FHDC1: variants seen among roughly 807,000 people sequenced by gnomAD.
The protein encoded by FHDC1 is FH2 domain-containing protein 1.
Under a neutral mutation model 52.6 loss-of-function variants are expected in FHDC1, and 25 were observed. The observed-to-expected ratio is 0.48, with a 90% CI of 0.35 to 0.66. The LOEUF (loss-of-function observed/expected upper bound fraction) is 0.66, where lower values mean the gene tolerates loss of function less well. Among genes scored for constraint, FHDC1 ranks in the 30% least tolerant of loss-of-function variants. The pLI, the probability that FHDC1 is intolerant of heterozygous loss-of-function variation, is 0.01. For synonymous variants in FHDC1, 616 were observed against 581.5 expected (o/e 1.06, Z -0.85); for missense variants, 1,459 against 1,452.8 (o/e 1.00, Z -0.07).
At chr4:152,929,131 T>G in the FHDC1 span, among the ~76,000 whole-genome samples, 2 of 152,092 alleles carry the variant, frequency 1.3e-5, no homozygotes, top group African/African-American at 4.8e-5. The surrounding 1 kb of genome is among the most constrained non-coding windows in gnomAD (Gnocchi z 4.1). Flanking sequence ...ATATGTAAGA[T>G]GTACATTGGC....
intron 11 of FHDC1, among the ~76,000 whole-genome samples, chr4:152,973,312 C>G (rs1399083413): frequency 2.0e-5 from 3 of 152,234 alleles, no homozygotes; most frequent in Non-Finnish European, 2.9e-5. Context: ...TAGTCCATAG[C>G]TGAATTTCTT....
At chr4:152,970,786 T>C (rs1740616933) in intron 10 of FHDC1, among the ~76,000 whole-genome samples, 1 of 152,176 alleles carries the variant, frequency 6.6e-6, no homozygotes, top group African/African-American at 2.4e-5. Flanking sequence ...CTTGAGTGTG[T>C]TTGGTTTAAG....
intron 1 of FHDC1, 116 bp downstream of exon 1, chr4:152,936,525 G>A (rs1032928768): frequency 3.9e-5 from 6 of 152,422 alleles, no homozygotes; most frequent in Admixed American, 3.9e-4. Flanking sequence ...CCGAGGCTGA[G>A]GCGCCGAGAA....
chr4:152,967,846 G>T, intron 9 of FHDC1, 134 bp from the exon 10 acceptor site: 1 of 642,916 alleles, frequency 1.6e-6, no homozygotes, highest in Admixed American at 2.6e-5. Flanking sequence ...CTAAATACAG[G>T]GGTAGATAAA....
At chr4:152,957,240 C>T (rs1307352529) in intron 4 of FHDC1, among the ~76,000 whole-genome samples, 1 of 152,188 alleles carries the variant, frequency 6.6e-6, no homozygotes, top group Admixed American at 6.5e-5. Flanking sequence ...AAGGACTAAA[C>T]CTTTATTGAG....
chr4:152,940,474 AAAGCACAGTAC>A (rs948611491), intron 1 of FHDC1, among the ~76,000 whole-genome samples: 2 of 152,246 alleles, frequency 1.3e-5, no homozygotes, highest in Admixed American at 1.3e-4. Flanking sequence ...TCCTCTGTGC[AAAGCACAGTAC>A]TAAAACACGC....
chr4:152,940,012 C>A (rs1268217594), intron 1 of FHDC1, among the ~76,000 whole-genome samples: 1 of 152,238 alleles, frequency 6.6e-6, no homozygotes, highest in East Asian at 1.9e-4. Flanking sequence ...GTTCTCCTAG[C>A]GTACCTGGAG....
In FHDC1 at chr4:152,975,862, A is replaced by C; in HGVS notation, c.2571A>C (p.Lys857Asn). 7 of 1,514,618 alleles carry C rather than the reference A, an allele frequency of 4.6e-6. No homozygotes were observed. The highest frequency in any genetic ancestry group is 6.2e-6 in the Non-Finnish European group (7 of 1,132,918). 93.8% of individuals were successfully genotyped at this position (1,514,618 alleles called of 1,614,324 possible). The change falls in exon 12 of 12, where the codon AAA (lysine) becomes AAC (asparagine). Residue 857 changes from lysine (K) to asparagine (N), a missense_variant. Lys to Asn is a moderately conservative substitution (Grantham distance 94). Transcript: ENST00000511601. ...CCAGGGACAAACCCACCAAAAGGAA[A>C]GATGTTGTAGCACCAAAGAGAGGCT... ...GLPRDKPTKR[K>N]DVVAPKRGSL...
the FHDC1 span, among the ~76,000 whole-genome samples, chr4:152,925,765 T>C: frequency 6.6e-6 from 1 of 151,790 alleles, no homozygotes; most frequent in Non-Finnish European, 1.5e-5. Context: ...TCCATACTCT[T>C]CCTTACTTTA....
intron 2 of FHDC1, among the ~76,000 whole-genome samples, chr4:152,951,297 TC>T (rs930889227): frequency 3.9e-5 from 6 of 152,200 alleles, no homozygotes; most frequent in African/African-American, 1.4e-4. Context: ...AAATCGAGAT[TC>T]CTTTTTTGGT....
Position 152,975,791 on chromosome 4 carries a change from G to GC in FHDC1, c.2505dup (p.Val836ArgfsTer5). ...ATCCAGCCCCCCTGGGGAGGCTCCT[G>GC]CCCCCGTCTCTGTGGATAGTGAGCC... On this transcript the variant is annotated frameshift_variant, in exon 12 of 12. Transcript: ENST00000511601. LOFTEE classifies it low-confidence loss of function (END_TRUNC). The GC allele has an allele frequency of 1.3e-6, 2 of 1,539,778 alleles. No individual in the cohort carries two copies. Among genetic ancestry groups the GC allele is most frequent in the Non-Finnish European group, 8.7e-7 (1 of 1,143,592 alleles).
At chr4:152,961,549 C>G (rs986950459) in intron 6 of FHDC1, among the ~76,000 whole-genome samples, 1 of 152,192 alleles carries the variant, frequency 6.6e-6, no homozygotes, top group Non-Finnish European at 1.5e-5. Context: ...AGAATCCCGG[C>G]GGAGTTGCAG....
chr4:152,958,678 C>A (rs1740185107), intron 4 of FHDC1, among the ~76,000 whole-genome samples: 1 of 152,224 alleles, frequency 6.6e-6, no homozygotes, highest in Admixed American at 6.5e-5. Flanking sequence ...TGGTCTTATA[C>A]AACTTCCCTC....
rs1039121556 is a variant in FHDC1 at position 152,943,616 on chromosome 4, G to A, written c.498+61G>A. 16 of 1,524,532 alleles carry A rather than the reference G, an allele frequency of 1.0e-5. No individual in the cohort carries two copies. The African/African-American group carries it at 1.8e-4, about 17-fold the overall frequency. 94.4% of individuals were successfully genotyped at this position (1,524,532 alleles called of 1,614,324 possible). On this transcript the variant is annotated intron_variant, in intron 2 of 11. Transcript: ENST00000511601. The stretch of plus-strand genomic sequence containing the variant: ...ACTGCATTGTTTTGTGTTTTGGGAT[G>A]TGTGTACATTTCAAATAATTGCTAG...
the FHDC1 span, among the ~76,000 whole-genome samples, chr4:152,914,140 A>C: frequency 6.6e-6 from 1 of 152,210 alleles, no homozygotes; most frequent in African/African-American, 2.4e-5. Context: ...AAGCTTTCCC[A>C]AGGTCACAGT....
rs892751106 is a variant in FHDC1 at position 152,963,060 on chromosome 4, C to T, written c.959C>T (p.Ser320Phe). The change falls in exon 8 of 12, where the codon TCT becomes TTT. Residue 320 changes from serine to phenylalanine, a missense_variant. Ser to Phe is a radical substitution (Grantham distance 155, BLOSUM62 -2). Around this residue, in one of 3 missense-constraint regions of FHDC1, gnomAD observed 513 missense variants for 581.5 expected, o/e 0.88. Coordinates refer to ENST00000511601, the MANE Select transcript of FHDC1 (RefSeq NM_001371116.1). ...YAGNAVGFKL[S>F]SLLKLADTKA... is the part of the protein sequence containing the mutation. ...GGCAATGCAGTAGGATTTAAACTGT[C>T]TTCTTTGCTCAAATTGGCAGACACA... 1 of 1,613,592 alleles carries T rather than the reference C, an allele frequency of 6.2e-7. No homozygotes were observed.
rs868157725 is a variant in FHDC1 at position 152,954,305 on chromosome 4, C to T, written c.649C>T (p.Pro217Ser). 6.2e-7 allele frequency: 1 copy of T among 1,613,548 alleles called. No homozygotes were observed. Among genetic ancestry groups the T allele is most frequent in the South Asian group, 1.1e-5 (1 of 91,060 alleles). The change falls in exon 4 of 12, where the codon CCA (proline) becomes TCA (serine). Residue 217 changes from proline to serine, a missense_variant. By Grantham distance (74) the Pro-to-Ser change is moderately conservative. Coordinates refer to ENST00000511601, the MANE Select transcript of FHDC1 (RefSeq NM_001371116.1). ...ETLREFLKFL[P>S]ESEEVKKLKA... ...CTTGCGAGAATTTCTTAAGTTTTTG[C>T]CAGAGTCAGAAGAGGTAAGAAATTC... is the stretch of plus-strand genomic sequence containing the variant.
upstream of FHDC1, among the ~76,000 whole-genome samples, chr4:152,934,836 G>T (rs953744822): frequency 6.6e-6 from 1 of 152,146 alleles, no homozygotes; most frequent in Non-Finnish European, 1.5e-5. Context: ...AATACAGTTG[G>T]GGGGAGGCCC....
In FHDC1 at chr4:152,963,233, G is replaced by A. The variant is rs1341012658; in HGVS notation, c.1029+103G>A. 16 of 972,592 alleles carry A rather than the reference G, an allele frequency of 1.6e-5. No individual in the cohort carries two copies. In the African/African-American group the frequency reaches 2.1e-4, roughly 13 times the overall value. The allele number at this position is 972,592 out of a possible 1,614,324, so 60.2% of individuals were successfully genotyped here. ...ATGGTGTCCAGCAGGGTTAGGAAAG[G>A]GCATGGCAAGTTCCAAGATGGTTCT... On this transcript the variant is annotated intron_variant, in intron 8 of 11. Coordinates refer to ENST00000511601, the MANE Select transcript of FHDC1 (RefSeq NM_001371116.1).
Sources: allele counts gnomAD v4.1 joint callset (sites outside exome capture counted in the v4.1 genomes callset), GRCh38; gene constraint gnomAD v4.1.1; regional missense constraint gnomAD v4.1.1; non-coding constraint Gnocchi (gnomAD v3.1); transcripts MANE v1.5; gene names NCBI Gene and HGNC (gene_info 2026-07-23, HGNC 2026-07-21).